The following PCNX2 variants were observed in gnomAD, a reference collection of about 807,000 sequenced individuals.
PCNX2 encodes pecanex-like protein 2.
Under a neutral mutation model 223.8 loss-of-function variants are expected in PCNX2, and 168 were observed. The ratio of observed to expected loss-of-function variants is 0.75; its 90% CI spans 0.66 to 0.85. The LOEUF is 0.85. Among genes scored for constraint, PCNX2 ranks in the 40% least tolerant of loss-of-function variants. The probability of loss-of-function intolerance (pLI) is 0.00; values close to 1 mark genes in which losing one functional copy is unlikely to be tolerated. For missense variants in PCNX2, 2,507 were observed against 2,675.5 expected, an observed-to-expected ratio of 0.94 and a Z score of 1.39; for synonymous variants, 1,006 against 1,052.6, an observed-to-expected ratio of 0.96 and a Z score of 0.86.
the PCNX2 span, among the ~76,000 whole-genome samples, chr1:233,325,199 T>C: frequency 1.6e-4 from 25 of 152,274 alleles, no homozygotes; most frequent in African/African-American, 6.0e-4. Flanking sequence ...CCATTCTAGA[T>C]GCCATTAAAA....
At chr1:233,176,560 C>T (rs1180630109) in intron 17 of PCNX2, among the ~76,000 whole-genome samples, 4 of 152,344 alleles carry the variant, frequency 2.6e-5, no homozygotes, top group South Asian at 2.1e-4. Flanking sequence ...GTTGGCTAAA[C>T]GTTTATCTGA....
At chr1:233,084,468 G>T (rs948609800) in intron 23 of PCNX2, among the ~76,000 whole-genome samples, 2 of 152,106 alleles carry the variant, frequency 1.3e-5, no homozygotes, top group African/African-American at 4.8e-5. Context: ...AAACCAATCT[G>T]GATAGAATTC....
chr1:233,191,743 G>A (rs1680430450), intron 15 of PCNX2, among the ~76,000 whole-genome samples: 1 of 152,182 alleles, frequency 6.6e-6, no homozygotes, highest in Admixed American at 6.5e-5. Context: ...TAAATGAGAG[G>A]CAGAAGGGCT....
intron 21 of PCNX2, among the ~76,000 whole-genome samples, chr1:233,127,885 G>A (rs991591717): frequency 6.6e-6 from 1 of 152,214 alleles, no homozygotes; most frequent in Non-Finnish European, 1.5e-5. Context: ...CACCCAGTAA[G>A]TGCTCAATGA....
At chr1:233,069,064 C>T (rs1672738001) in intron 23 of PCNX2, among the ~76,000 whole-genome samples, 1 of 152,024 alleles carries the variant, frequency 6.6e-6, no homozygotes, top group African/African-American at 2.4e-5. Flanking sequence ...GCAAAAATGG[C>T]TGTTAATATC....
chr1:233,098,726 G>A (rs1197198800), intron 21 of PCNX2, among the ~76,000 whole-genome samples: 4 of 152,158 alleles, frequency 2.6e-5, no homozygotes, highest in African/African-American at 7.2e-5. Flanking sequence ...TGTTCTAGAT[G>A]AGTCAGATGC....
At chr1:233,212,094 C>T (rs16858867) in intron 12 of PCNX2, among the ~76,000 whole-genome samples, 7,304 of 152,158 alleles carry the variant, frequency 0.048, 552 homozygotes, top group African/African-American at 0.16. Context: ...TTGATGATTT[C>T]GTTTTTACTT....
chr1:233,274,891 G>T (rs1660830861), intron 1 of PCNX2, among the ~76,000 whole-genome samples: 1 of 152,186 alleles, frequency 6.6e-6, no homozygotes, highest in African/African-American at 2.4e-5. Flanking sequence ...GAAGCAAAAA[G>T]TTGGTATCTA....
intron 22 of PCNX2, among the ~76,000 whole-genome samples, chr1:233,091,941 T>C (rs550701004): frequency 3.2e-4 from 49 of 152,234 alleles, no homozygotes; most frequent in African/African-American, 1.1e-3. Flanking sequence ...TAGGTTCAAA[T>C]AGAGAACTAC....
In PCNX2 at chr1:233,259,044, A is replaced by C; in HGVS notation, c.818T>G (p.Phe273Cys). The C allele has an allele frequency of 1.2e-6, 2 of 1,614,014 alleles. No homozygotes were observed. The highest frequency in any genetic ancestry group is 1.7e-6 in the Non-Finnish European group (2 of 1,179,888). The change falls in exon 5 of 34, where the codon TTC becomes TGC. Residue 273 changes from phenylalanine (F) to cysteine (C), a missense_variant. By Grantham distance (205) the Phe-to-Cys change is radical. Around this residue, in one of 3 missense-constraint regions of PCNX2, gnomAD observed 1,031 missense variants for 1,021.7 expected, o/e 1.01. Coordinates refer to ENST00000258229, the MANE Select transcript of PCNX2 (RefSeq NM_014801.4). ...TGAATTCTCACTCCCCCACGGCTGG[A>C]AAGAAACGTCTGTTTCTAGTAAGTC... ...QYDLLETDVS[F>C]QPWGSENSVL...
At chr1:233,235,517 T>C (rs1466578608) in intron 9 of PCNX2, among the ~76,000 whole-genome samples, 1 of 152,150 alleles carries the variant, frequency 6.6e-6, no homozygotes, top group African/African-American at 2.4e-5. Flanking sequence ...CTCAGAGCAA[T>C]ATGTGGTCAG....
At chr1:233,260,630 T>G (rs1456384045) in intron 4 of PCNX2, among the ~76,000 whole-genome samples, 1 of 152,134 alleles carries the variant, frequency 6.6e-6, no homozygotes, top group Non-Finnish European at 1.5e-5. Context: ...AGGGCTATGG[T>G]GCTAATTTCA....
intron 21 of PCNX2, among the ~76,000 whole-genome samples, chr1:233,098,741 AC>A (rs1173739971): frequency 6.6e-6 from 1 of 152,198 alleles, no homozygotes; most frequent in Non-Finnish European, 1.5e-5. Flanking sequence ...AGATGCTAAC[AC>A]ATGCCAATAT....
rs1446055784 is a variant in PCNX2, at chr1:233,252,448, T to G, written c.2034A>C (p.Gln678His). 6.2e-7 allele frequency: 1 copy of G among 1,613,640 alleles called. No homozygotes were observed. The highest frequency in any genetic ancestry group is 2.2e-5 in the East Asian group (1 of 44,894). The change falls in exon 7 of 34, where the codon CAA (glutamine) becomes CAC (histidine). Residue 678 changes from glutamine to histidine, a missense_variant. Transcript: ENST00000258229. ...TGATGACTTGCAAGACAGAACTATCTTGTTGGGAAGTTACCCTGTAGATTA... is the reference window on the plus strand; with the variant it reads ...TGATGACTTGCAAGACAGAACTATCGTGTTGGGAAGTTACCCTGTAGATTA... ...RQIIYRVTSQQDSSVLQVISG... is the reference protein window; with the variant it reads ...RQIIYRVTSQHDSSVLQVISG...
intron 22 of PCNX2, among the ~76,000 whole-genome samples, chr1:233,093,081 G>C (rs1673970566): frequency 6.6e-6 from 1 of 152,204 alleles, no homozygotes; most frequent in Non-Finnish European, 1.5e-5. Context: ...TTACAGGCGT[G>C]AGCCACTGTG....
At chr1:233,188,948 C>T (rs1250983796) in intron 15 of PCNX2, among the ~76,000 whole-genome samples, 1 of 152,208 alleles carries the variant, frequency 6.6e-6, no homozygotes, top group Non-Finnish European at 1.5e-5. Flanking sequence ...ATCCCATCCC[C>T]TTCACAGGTC....
chr1:233,062,543 A>T (rs1401467440), intron 23 of PCNX2, among the ~76,000 whole-genome samples: 1 of 152,190 alleles, frequency 6.6e-6, no homozygotes, highest in Non-Finnish European at 1.5e-5. Context: ...AATGTTTTTA[A>T]TCCTAATGGC....
intron 19 of PCNX2, among the ~76,000 whole-genome samples, chr1:233,152,862 G>A (rs1047069126): frequency 2.0e-5 from 3 of 152,164 alleles, no homozygotes; most frequent in South Asian, 2.1e-4. Context: ...TAGGCTAAAG[G>A]TGCTACATTT....
At chr1:233,070,295 A>C (rs1233357952) in intron 23 of PCNX2, among the ~76,000 whole-genome samples, 1 of 152,184 alleles carries the variant, frequency 6.6e-6, no homozygotes, top group Non-Finnish European at 1.5e-5. Flanking sequence ...AAAAAATAAC[A>C]AACAATAATT....
Sources: allele counts gnomAD v4.1 joint callset (sites outside exome capture counted in the v4.1 genomes callset), GRCh38; gene constraint gnomAD v4.1.1; regional missense constraint gnomAD v4.1.1; transcripts MANE v1.5; gene names NCBI Gene and HGNC (gene_info 2026-07-23, HGNC 2026-07-21).